The following APBA1 variants were observed in gnomAD, a reference collection of about 807,000 sequenced individuals.
The protein encoded by APBA1 is amyloid beta precursor protein binding family A member 1.
In APBA1, 55 loss-of-function variants were observed where a neutral mutation model predicts 86.6. The ratio of observed to expected loss-of-function variants is 0.64; its 90% CI spans 0.51 to 0.80. The LOEUF (loss-of-function observed/expected upper bound fraction) is 0.80, where lower values mean the gene tolerates loss of function less well. Ranked by LOEUF, APBA1 falls within the 30% of genes least tolerant of loss-of-function variation. The probability of loss-of-function intolerance (pLI) is 0.00; values close to 1 mark genes in which losing one functional copy is unlikely to be tolerated. For synonymous variants in APBA1, 511 were observed against 493.9 expected, an observed-to-expected ratio of 1.03 and a Z score of -0.46; for missense variants, 1,090 against 1,183.0, an observed-to-expected ratio of 0.92 and a Z score of 1.15.
At chr9:69,514,029 T>G (rs1026422590) in intron 2 of APBA1, among the ~76,000 whole-genome samples, 1 of 152,204 alleles carries the variant, frequency 6.6e-6, no homozygotes, top group Non-Finnish European at 1.5e-5. Context: ...AGAATCTTTA[T>G]AGCAAACGAG....
intron 8 of APBA1, among the ~76,000 whole-genome samples, chr9:69,453,800 C>G (rs985180032): frequency 1.3e-5 from 2 of 152,264 alleles, no homozygotes; most frequent in African/African-American, 4.8e-5. Context: ...TAGACAAATT[C>G]TATAAACGGC....
intron 11 of APBA1, among the ~76,000 whole-genome samples, chr9:69,432,883 C>T (rs1429985796): frequency 6.6e-6 from 1 of 152,192 alleles, no homozygotes; most frequent in Non-Finnish European, 1.5e-5. Flanking sequence ...GCGGCTTGCA[C>T]AGAGACTGTA....
At chr9:69,459,427 C>G (rs1835154507) in intron 5 of APBA1, among the ~76,000 whole-genome samples, 1 of 152,194 alleles carries the variant, frequency 6.6e-6, no homozygotes, top group Non-Finnish European at 1.5e-5. Flanking sequence ...GTCTGTGTAT[C>G]CTGATTCTGT....
intron 1 of APBA1, among the ~76,000 whole-genome samples, chr9:69,560,788 C>T (rs1836935575): frequency 6.6e-6 from 1 of 152,206 alleles, no homozygotes; most frequent in East Asian, 1.9e-4. Context: ...CCAATGAGCA[C>T]TTCCTTTGAG....
intron 11 of APBA1, 61 bp from the exon 12 acceptor site, chr9:69,432,737 G>A (rs926842882): frequency 1.7e-5 from 24 of 1,393,538 alleles, no homozygotes; most frequent in South Asian, 1.4e-4. Flanking sequence ...CTGGAAGGCC[G>A]TCTTTCCTGA....
intron 1 of APBA1, among the ~76,000 whole-genome samples, chr9:69,573,624 C>T (rs143027610): frequency 3.3e-5 from 5 of 152,268 alleles, no homozygotes; most frequent in East Asian, 1.9e-4. Flanking sequence ...TTTACTGCTG[C>T]GGTACTCTAA....
At chr9:69,641,866 CAG>C (rs1823291874) in intron 1 of APBA1, among the ~76,000 whole-genome samples, 1 of 152,124 alleles carries the variant, frequency 6.6e-6, no homozygotes, top group African/African-American at 2.4e-5. Flanking sequence ...TATTTTTTGA[CAG>C]AGTCTCTCGC....
chr9:69,541,104 A>G (rs1369597380), intron 1 of APBA1, among the ~76,000 whole-genome samples: 1 of 152,158 alleles, frequency 6.6e-6, no homozygotes, highest in Non-Finnish European at 1.5e-5. Flanking sequence ...ATGGACATTT[A>G]GGTTGTTTCT....
At chr9:69,503,061 A>G (rs1760874314) in intron 2 of APBA1, among the ~76,000 whole-genome samples, 1 of 152,160 alleles carries the variant, frequency 6.6e-6, no homozygotes, top group Admixed American at 6.5e-5. Flanking sequence ...GGAAATTAAA[A>G]ACTTAGTGCA....
intron 2 of APBA1, among the ~76,000 whole-genome samples, chr9:69,484,291 G>T (rs952614251): frequency 2.2e-4 from 33 of 152,112 alleles, no homozygotes; most frequent in African/African-American, 8.0e-4. Flanking sequence ...GAGAGCAGGG[G>T]CATGGAAGAG....
chr9:69,547,548 A>G (rs1040973553), intron 1 of APBA1, among the ~76,000 whole-genome samples: 1 of 152,202 alleles, frequency 6.6e-6, no homozygotes, highest in African/African-American at 2.4e-5. Flanking sequence ...TGCTACCCCA[A>G]ATAAAATCTG....
intron 2 of APBA1, among the ~76,000 whole-genome samples, chr9:69,489,826 C>T (rs1161372546): frequency 2.6e-5 from 4 of 152,098 alleles, no homozygotes; most frequent in African/African-American, 9.7e-5. Flanking sequence ...CAGGAAACAA[C>T]AGGTGCTAGA....
intron 1 of APBA1, among the ~76,000 whole-genome samples, chr9:69,640,420 T>C (rs1823263739): frequency 1.3e-5 from 2 of 152,014 alleles, no homozygotes; most frequent in South Asian, 4.2e-4. Flanking sequence ...GTCATATAAT[T>C]TGCAAAAGCT....
At chr9:69,517,949 C>T (rs1006990045) in intron 1 of APBA1, among the ~76,000 whole-genome samples, 7 of 152,188 alleles carry the variant, frequency 4.6e-5, no homozygotes, top group African/African-American at 1.7e-4. Flanking sequence ...GTTGACTTTT[C>T]ATTGTTAATA....
chr9:69,672,464 G>A (rs567764067), upstream of APBA1, among the ~76,000 whole-genome samples: 436 of 149,240 alleles, frequency 2.9e-3, 7 homozygotes, highest in Admixed American at 0.022. Context: ...GCCTGCGAGG[G>A]AGGGCGCGGG....
chr9:69,471,416 A>G (rs1001032654), intron 4 of APBA1, among the ~76,000 whole-genome samples: 1 of 152,206 alleles, frequency 6.6e-6, no homozygotes, highest in Non-Finnish European at 1.5e-5. Flanking sequence ...TAAAGCCCAC[A>G]GCTTCGACTC....
At chr9:69,655,918 AATC>A (rs1823599688) in intron 1 of APBA1, among the ~76,000 whole-genome samples, 1 of 152,214 alleles carries the variant, frequency 6.6e-6, no homozygotes, top group Non-Finnish European at 1.5e-5. Context: ...GCCACAAAGA[AATC>A]ATAAAAGTTT....
intron 1 of APBA1, among the ~76,000 whole-genome samples, chr9:69,600,825 T>TAAATAAATAAAATAAAATAAA (rs944410638): frequency 6.8e-6 from 1 of 147,882 alleles, no homozygotes; most frequent in East Asian, 1.9e-4. Context: ...AATAAATAAA[T>TAAATAAATAAAATAAAATAAA]AAATAAATAA....
chr9:69,457,095 G>T lies in APBA1; in HGVS notation c.1560C>A (p.Phe520Leu). Residue 520 changes from phenylalanine to leucine, a missense_variant, in exon 7 of 13, where the codon TTC becomes TTA. Phe to Leu is a conservative substitution (Grantham distance 22). Coordinates refer to ENST00000265381, the MANE Select transcript of APBA1 (RefSeq NM_001163.4). Reference sequence around the variant, plus strand: ...GCACTTTGATTCTCTGGGTAGAAATGAAGAGATCCACTTCAGTCATTGGCT... The same window carrying T: ...GCACTTTGATTCTCTGGGTAGAAATTAAGAGATCCACTTCAGTCATTGGCT... ...ESQPMTEVDLFISTQRIKVLN... is the reference protein window; with the variant it reads ...ESQPMTEVDLLISTQRIKVLN... 2 of 1,614,206 alleles carry T rather than the reference G, an allele frequency of 1.2e-6. No individual in the cohort carries two copies. Among genetic ancestry groups the T allele is most frequent in the Non-Finnish European group, 1.7e-6 (2 of 1,180,032 alleles).
Sources: allele counts gnomAD v4.1 joint callset (sites outside exome capture counted in the v4.1 genomes callset), GRCh38; gene constraint gnomAD v4.1.1; transcripts MANE v1.5; gene names NCBI Gene and HGNC (gene_info 2026-07-23, HGNC 2026-07-21).